Variants in MKKS observed in about 807,000 individuals in gnomAD.
MKKS encodes MKKS centrosomal shuttling protein, also known as molecular chaperone MKKS.
A neutral mutation model predicts 33.2 loss-of-function variants in MKKS; 29 were observed. The ratio of observed to expected loss-of-function variants is 0.87; its 90% CI spans 0.65 to 1.19. The LOEUF is 1.19. Ranked by LOEUF, MKKS falls within the 50% of genes most tolerant of loss-of-function variation. The pLI, the probability that MKKS is intolerant of heterozygous loss-of-function variation, is 0.00. For synonymous variants in MKKS, 260 were observed against 244.0 expected, an observed-to-expected ratio of 1.07 and a Z score of -0.61; for missense variants, 661 against 662.3, an observed-to-expected ratio of 1.00 and a Z score of 0.02.
rs2122235838 is a variant in MKKS, at chr20:10,413,227, A to G, written c.288T>C (p.Ala96=). 4.3e-6 allele frequency: 7 copies of G among 1,614,242 alleles called. No homozygotes were observed. Among genetic ancestry groups the G allele is most frequent in the Non-Finnish European group, 5.9e-6 (7 of 1,180,030 alleles). The change falls in exon 3 of 6, where the codon GCT becomes GCC. Residue 96 remains alanine, a synonymous_variant. Transcript: ENST00000347364. ...SSFSDCGLFT[A]ILCCNLIENV... is the part of the protein sequence containing the mutation. ...TTTCAATCAGGTTGCAGCAAAGAAT[A>G]GCTGTGAATAAGCCACAATCACTGA...
chr20:10,421,292 C>G (rs543341081), intron 1 of MKKS, among the ~76,000 whole-genome samples: 2 of 151,620 alleles, frequency 1.3e-5, no homozygotes, highest in African/African-American at 4.8e-5. Context: ...GATATGGTGG[C>G]GCATGCCTGT....
At chr20:10,417,856 A>G (rs2064951621) in intron 2 of MKKS, among the ~76,000 whole-genome samples, 1 of 152,212 alleles carries the variant, frequency 6.6e-6, no homozygotes, top group South Asian at 2.1e-4. Flanking sequence ...GGGGAGAGAA[A>G]GAGGAAATTG....
chr20:10,406,433 T>C (rs1035224588), intron 5 of MKKS, among the ~76,000 whole-genome samples: 6 of 152,202 alleles, frequency 3.9e-5, no homozygotes, highest in Non-Finnish European at 8.8e-5. Context: ...ATAAATACCA[T>C]TGTGTTACAA....
intron 1 of MKKS, among the ~76,000 whole-genome samples, chr20:10,433,106 C>A (rs549813313): frequency 6.3e-4 from 96 of 152,348 alleles, no homozygotes; most frequent in African/African-American, 2.1e-3. Context: ...AGGGCTCAAG[C>A]GATTCTCCTG....
intron 4 of MKKS, 61 bp downstream of exon 4, chr20:10,408,567 C>T: frequency 6.5e-7 from 1 of 1,549,896 alleles, no homozygotes; most frequent in South Asian, 1.1e-5. Flanking sequence ...ATCATAATAA[C>T]TATTGAGTGA....
intron 2 of MKKS, among the ~76,000 whole-genome samples, chr20:10,417,441 G>T (rs548749339): frequency 6.6e-6 from 1 of 151,988 alleles, no homozygotes; most frequent in South Asian, 2.1e-4. Context: ...CAAGACCCTG[G>T]TTCTAAAAAT....
intron 1 of MKKS, among the ~76,000 whole-genome samples, chr20:10,425,768 T>C (rs2065010508): frequency 6.6e-6 from 1 of 152,036 alleles, no homozygotes; most frequent in Non-Finnish European, 1.5e-5. Flanking sequence ...TATTGAACTT[T>C]TCAAGTTTGG....
At chr20:10,409,977 C>CAAAAAA (rs58776463) in intron 3 of MKKS, among the ~76,000 whole-genome samples, 10 of 54,232 alleles carry the variant, frequency 1.8e-4, no homozygotes, top group African/African-American at 4.0e-4. Context: ...GACTTTGTCT[C>CAAAAAA]AAAAAAAAAA....
Position 10,401,959 on chromosome 20 carries a change from T to A in MKKS, c.*3288A>T, listed in dbSNP as rs1330886327. 1.3e-5 allele frequency: 2 copies of A among 152,080 alleles called. No individual in the cohort carries two copies. The allele number at this position is 152,080 out of a possible 1,614,324, so 9.4% of individuals were successfully genotyped here. ...GGATATCTATAAGACCAAATAAGTA[T>A]TTGATTAAAAGTTTCCTTTATTTGC... On this transcript the variant is annotated 3_prime_UTR_variant, in exon 6 of 6. Coordinates refer to ENST00000347364, the MANE Select transcript of MKKS (RefSeq NM_170784.3).
chr20:10,417,671 TAAA>T, intron 2 of MKKS, among the ~76,000 whole-genome samples: 1 of 150,524 alleles, frequency 6.6e-6, no homozygotes, highest in South Asian at 2.1e-4. Context: ...GCCTTCTCTG[TAAA>T]AAAAAAAAAT....
chr20:10,421,269 A>AAAGTAT (rs111887286), intron 1 of MKKS, among the ~76,000 whole-genome samples: 21,652 of 151,964 alleles, frequency 0.14, 1,720 homozygotes, highest in East Asian at 0.24. Flanking sequence ...GTTTCTACTA[A>AAAGTAT]AAGTATTAGT....
rs529274008 is a variant in MKKS, at chr20:10,412,385, C to T, written c.985+145G>A. The T allele has an allele frequency of 2.6e-5, 22 of 845,180 alleles. No homozygotes were observed. In the South Asian group the frequency reaches 2.7e-4, roughly 11 times the overall value. The allele number at this position is 845,180 out of a possible 1,614,324, so 52.4% of individuals were successfully genotyped here. On this transcript the variant is annotated intron_variant, in intron 3 of 5. Coordinates refer to ENST00000347364, the MANE Select transcript of MKKS (RefSeq NM_170784.3). ...TATGTGAACAATACAGGATCTTTTC[C>T]AGAAACCTTTGCTGCCAGAAATGAT... is the stretch of plus-strand genomic sequence containing the variant.
chr20:10,408,183 A>G (rs1355875393), intron 4 of MKKS, among the ~76,000 whole-genome samples: 1 of 152,222 alleles, frequency 6.6e-6, no homozygotes, highest in Non-Finnish European at 1.5e-5. Flanking sequence ...TTGAGCATAC[A>G]TGAATCTTTA....
chr20:10,423,227 C>T (rs2064993485), intron 1 of MKKS, among the ~76,000 whole-genome samples: 1 of 151,994 alleles, frequency 6.6e-6, no homozygotes. Context: ...TCACTTGAGC[C>T]TAGGCAACGT....
In MKKS at chr20:10,404,342, AAC is replaced by A. The variant is rs1010027794; in HGVS notation, c.*903_*904del. 4.6e-5 allele frequency: 7 copies of A among 151,808 alleles called. No homozygotes were observed. The Admixed American group carries it at 4.6e-4, about 10-fold the overall frequency. 9.4% of individuals were successfully genotyped at this position (151,808 alleles called of 1,614,324 possible). A position where few individuals can be genotyped will look rare whatever the true frequency, so the allele number is the denominator to read the frequency against. On this transcript the variant is annotated 3_prime_UTR_variant, in exon 6 of 6. Coordinates refer to ENST00000347364, the MANE Select transcript of MKKS (RefSeq NM_170784.3). ...TATCAGTCTATGGTTCTCAACCAAC[AAC>A]AGTTTTGCTCTTCGGGGGACATTTG...
intron 3 of MKKS, among the ~76,000 whole-genome samples, chr20:10,409,248 C>A (rs1732050090): frequency 6.6e-6 from 1 of 152,088 alleles, no homozygotes; most frequent in African/African-American, 2.4e-5. Context: ...ATGCTGCTAT[C>A]CAAATAGTTG....
chr20:10,412,907 G>A lies in MKKS; in HGVS notation c.608C>T (p.Pro203Leu), dbSNP rs1249176766. Residue 203 changes from proline (P) to leucine (L), a missense_variant, in exon 3 of 6, where the codon CCT becomes CTT. Pro to Leu is a moderately conservative substitution (Grantham distance 98). Coordinates refer to ENST00000347364, the MANE Select transcript of MKKS (RefSeq NM_170784.3). The stretch of plus-strand genomic sequence containing the variant: ...ATCTATAACTCTTTGACCTTTTAAA[G>A]GTACAATTAAACTCTTTCCTAAAAT... ...HIILGKSLIV[P>L]LKGQRVIDST... 1 of 1,613,612 alleles carries A rather than the reference G, an allele frequency of 6.2e-7. No individual in the cohort carries two copies. The highest frequency in any genetic ancestry group is 1.1e-5 in the South Asian group (1 of 91,040).
In MKKS at chr20:10,413,507, C is replaced by G. The variant is rs770619894; in HGVS notation, c.8G>C (p.Arg3Pro). 1.2e-6 allele frequency: 2 copies of G among 1,614,168 alleles called. No individual in the cohort carries two copies. The highest frequency in any genetic ancestry group is 1.7e-5 in the Admixed American group (1 of 60,030). ...CAATGATGGCTTCTTAGCTTCCAAA[C>G]GAGACATCTTACTTCAGGTGGTAAC... The part of the protein sequence containing the change: MS[R>P]LEAKKPSLCK... Residue 3 changes from arginine to proline, a missense_variant, in exon 3 of 6, where the codon CGT becomes CCT. Physicochemically the swap from Arg to Pro is moderately radical, Grantham distance 103 (BLOSUM62 -2). Coordinates refer to ENST00000347364, the MANE Select transcript of MKKS (RefSeq NM_170784.3).
intron 1 of MKKS, among the ~76,000 whole-genome samples, chr20:10,423,246 C>A (rs2064993624): frequency 6.6e-6 from 1 of 152,050 alleles, no homozygotes; most frequent in Non-Finnish European, 1.5e-5. Context: ...GTGGCAAAAC[C>A]CGTTTCTACA....
Sources: allele counts gnomAD v4.1 joint callset (sites outside exome capture counted in the v4.1 genomes callset), GRCh38; gene constraint gnomAD v4.1.1; transcripts MANE v1.5; gene names NCBI Gene and HGNC (gene_info 2026-07-23, HGNC 2026-07-21).